CTNNA3: variants seen among roughly 807,000 people sequenced by gnomAD.
The protein encoded by CTNNA3 is catenin alpha-3.
Under a neutral mutation model 95.7 loss-of-function variants are expected in CTNNA3, and 76 were observed. The observed-to-expected ratio is 0.79, with a 90% CI of 0.66 to 0.96. The LOEUF (loss-of-function observed/expected upper bound fraction) is 0.96, where lower values mean the gene tolerates loss of function less well. Ranked by LOEUF, CTNNA3 falls within the 40% of genes least tolerant of loss-of-function variation. The probability of loss-of-function intolerance (pLI) is 0.00; values close to 1 mark genes in which losing one functional copy is unlikely to be tolerated. For synonymous variants in CTNNA3, 431 were observed against 374.4 expected, an observed-to-expected ratio of 1.15 and a Z score of -1.74; for missense variants, 1,191 against 1,089.8, an observed-to-expected ratio of 1.09 and a Z score of -1.31.
At chr10:65,982,349 A>G (rs2078337161) in intron 16 of CTNNA3, among the ~76,000 whole-genome samples, 1 of 151,624 alleles carries the variant, frequency 6.6e-6, no homozygotes, top group Admixed American at 6.6e-5. Context: ...CAAAACAACA[A>G]AAAAAGGTGT....
intron 12 of CTNNA3, among the ~76,000 whole-genome samples, chr10:66,309,370 G>A (rs74324682): frequency 4.0e-5 from 6 of 150,674 alleles, no homozygotes; most frequent in South Asian, 2.1e-4. Context: ...CTTTTTTTTC[G>A]TCTCTGGAGC....
At chr10:66,066,763 T>C (rs2080320916) in intron 15 of CTNNA3, among the ~76,000 whole-genome samples, 1 of 152,190 alleles carries the variant, frequency 6.6e-6, no homozygotes. Context: ...AACTGAATTA[T>C]ATTGTAAAGA....
intron 7 of CTNNA3, among the ~76,000 whole-genome samples, chr10:67,083,378 T>A (rs982078886): frequency 3.3e-5 from 5 of 151,960 alleles, no homozygotes; most frequent in Admixed American, 3.3e-4. Flanking sequence ...GGGGCTACCA[T>A]CTAGGAAATT....
intron 7 of CTNNA3, among the ~76,000 whole-genome samples, chr10:67,146,503 T>C (rs1280139096): frequency 6.6e-6 from 1 of 152,222 alleles, no homozygotes; most frequent in African/African-American, 2.4e-5. Flanking sequence ...ACACATATTA[T>C]AGCACTCACA....
chr10:67,735,523 C>T (rs1251046447), intron 1 of CTNNA3, among the ~76,000 whole-genome samples: 1 of 152,010 alleles, frequency 6.6e-6, no homozygotes, highest in Non-Finnish European at 1.5e-5. Flanking sequence ...AGGAAATATA[C>T]TAACGGCCAA....
intron 5 of CTNNA3, among the ~76,000 whole-genome samples, chr10:67,456,873 G>A (rs78879800): frequency 6.6e-6 from 1 of 151,978 alleles, no homozygotes; most frequent in African/African-American, 2.4e-5. Context: ...GGTGACTACT[G>A]CCCTGAAAAT....
chr10:66,392,445 A>AC (rs373415368), intron 11 of CTNNA3, among the ~76,000 whole-genome samples: 1 of 152,128 alleles, frequency 6.6e-6, no homozygotes, highest in African/African-American at 2.4e-5. Flanking sequence ...ACAAAACAAA[A>AC]AAAAGAATAA....
At chr10:66,101,079 G>A (rs545296123) in intron 14 of CTNNA3, among the ~76,000 whole-genome samples, 32 of 152,132 alleles carry the variant, frequency 2.1e-4, no homozygotes, top group Non-Finnish European at 3.5e-4. Context: ...AGTGGCATCA[G>A]CCTGAGTGAA....
intron 14 of CTNNA3, among the ~76,000 whole-genome samples, chr10:66,084,423 G>A (rs72793464): frequency 0.051 from 7,824 of 152,084 alleles, 260 homozygotes; most frequent in East Asian, 0.2. Context: ...TTCCATTACA[G>A]TGGTATTAGT....
At position 67,467,113 on chromosome 10, in the gene CTNNA3, G is replaced by A. The variant is rs182438982; in HGVS notation, c.579+54729C>T. Among the ~76,000 whole-genome samples, 40 of 152,128 alleles carry A rather than the reference G, an allele frequency of 2.6e-4. No individual in the cohort carries two copies. The East Asian group carries it at 7.5e-3, about 29-fold the overall frequency. ...TGATCACACCACTGCACTTCAGCCT[G>A]GGAGACAGAGTGAGATCTCCTCTCA... is the stretch of plus-strand genomic sequence containing the variant. On this transcript the variant is annotated intron_variant, in intron 5 of 17. Transcript: ENST00000433211.
At chr10:67,207,315 G>A (rs774613489) in intron 6 of CTNNA3, among the ~76,000 whole-genome samples, 8 of 152,086 alleles carry the variant, frequency 5.3e-5, no homozygotes, top group Non-Finnish European at 8.8e-5. Flanking sequence ...ACATAATGTG[G>A]TATGAAAATA....
intron 12 of CTNNA3, among the ~76,000 whole-genome samples, chr10:66,310,621 A>G (rs890716704): frequency 2.0e-5 from 3 of 152,010 alleles, no homozygotes; most frequent in Middle Eastern, 6.4e-3. Context: ...ATAAAAAAGC[A>G]AATATTTATT....
intron 11 of CTNNA3, among the ~76,000 whole-genome samples, chr10:66,420,902 T>C (rs2132630998): frequency 6.6e-6 from 1 of 152,144 alleles, no homozygotes. Context: ...TCCAGCAATC[T>C]CACTGCTGGG....
intron 13 of CTNNA3, among the ~76,000 whole-genome samples, chr10:66,246,595 G>C (rs2090334946): frequency 6.6e-6 from 1 of 151,880 alleles, no homozygotes; most frequent in African/African-American, 2.4e-5. Flanking sequence ...AAAGTTCAAT[G>C]AATTTCAAGA....
intron 13 of CTNNA3, among the ~76,000 whole-genome samples, chr10:66,119,400 T>G (rs1168041191): frequency 3.3e-5 from 5 of 152,212 alleles, no homozygotes; most frequent in Non-Finnish European, 7.4e-5. Context: ...TACAAGCTGT[T>G]CCTATTACTC....
chr10:67,664,427 C>T (rs1589549945), intron 1 of CTNNA3, among the ~76,000 whole-genome samples: 1 of 152,172 alleles, frequency 6.6e-6, no homozygotes, highest in Non-Finnish European at 1.5e-5. Flanking sequence ...ATCTAATATA[C>T]TCTCCTCATT....
intron 9 of CTNNA3, among the ~76,000 whole-genome samples, chr10:66,749,217 A>AG (rs538995220): frequency 3.6e-4 from 53 of 145,698 alleles, no homozygotes; most frequent in South Asian, 1.9e-3. Context: ...AAAAAAAAAA[A>AG]AAAAAAAAAA....
chr10:67,722,961 GAATA>G (rs1252206791), intron 1 of CTNNA3, among the ~76,000 whole-genome samples: 1 of 149,768 alleles, frequency 6.7e-6, no homozygotes, highest in African/African-American at 2.5e-5. Flanking sequence ...GTAAAATGGA[GAATA>G]ACAATTATAT....
At chr10:67,352,198 T>C (rs537966054) in intron 5 of CTNNA3, among the ~76,000 whole-genome samples, 20 of 151,936 alleles carry the variant, frequency 1.3e-4, no homozygotes, top group Non-Finnish European at 2.8e-4. Context: ...GTCTGAGTTC[T>C]AACAAAAAGC....
Sources: allele counts gnomAD v4.1 joint callset (sites outside exome capture counted in the v4.1 genomes callset), GRCh38; gene constraint gnomAD v4.1.1; transcripts MANE v1.5; gene names NCBI Gene and HGNC (gene_info 2026-07-23, HGNC 2026-07-21).